Variants in PDS5B observed in about 807,000 individuals in gnomAD.
The protein encoded by PDS5B is PDS5 cohesin associated factor B.
A neutral mutation model predicts 184.1 loss-of-function variants in PDS5B; 51 were observed. The ratio of observed to expected loss-of-function variants is 0.28; its 90% CI spans 0.22 to 0.35. The LOEUF is 0.35. PDS5B is among the 10% of genes least tolerant of loss of function. The pLI is 1.00. For synonymous variants in PDS5B, 566 were observed against 569.2 expected (o/e 0.99, Z 0.08); for missense variants, 1,180 against 1,723.3 (o/e 0.68, Z 5.58).
At position 32,776,806 on chromosome 13, in the gene PDS5B, T is replaced by G. The variant is rs574277606; in HGVS notation, c.*1754T>G. 6.6e-6 allele frequency: 1 copy of G among 152,592 alleles called. No individual in the cohort carries two copies. The highest frequency in any genetic ancestry group is 6.6e-5 in the Admixed American group (1 of 15,264). 9.5% of individuals were successfully genotyped at this position (152,592 alleles called of 1,614,324 possible). A position where few individuals can be genotyped will look rare whatever the true frequency, so the allele number is the denominator to read the frequency against. On this transcript the variant is annotated 3_prime_UTR_variant, in exon 35 of 35. Transcript: ENST00000315596. ...ATGTGATTATTTTTCTTTTAAAGAT[T>G]TGTTTGTGTTTATGAAACAGCCATT...
chr13:32,666,530 A>G (rs904461549), intron 6 of PDS5B, among the ~76,000 whole-genome samples: 2 of 152,176 alleles, frequency 1.3e-5, no homozygotes, highest in African/African-American at 4.8e-5. Flanking sequence ...TGATTCGACT[A>G]TCATTCAGTG....
chr13:32,722,151 T>C (rs899985955), intron 19 of PDS5B, among the ~76,000 whole-genome samples: 4 of 152,174 alleles, frequency 2.6e-5, no homozygotes, highest in African/African-American at 4.8e-5. Flanking sequence ...GGTCAGGAGC[T>C]GGAGACCAGC....
At chr13:32,722,228 C>T (rs374811846) in intron 19 of PDS5B, among the ~76,000 whole-genome samples, 3 of 152,228 alleles carry the variant, frequency 2.0e-5, no homozygotes, top group Non-Finnish European at 4.4e-5. Flanking sequence ...TGGCGGCGCA[C>T]GCCTGCAATC....
At chr13:32,738,546 A>G (rs915997678) in intron 21 of PDS5B, among the ~76,000 whole-genome samples, 1 of 152,188 alleles carries the variant, frequency 6.6e-6, no homozygotes, top group Non-Finnish European at 1.5e-5. Context: ...CCCATAGGCA[A>G]TCTGTACCTA....
chr13:32,696,744 G>A (rs1951718078), intron 14 of PDS5B, 110 bp from the exon 15 acceptor site: 1 of 726,594 alleles, frequency 1.4e-6, no homozygotes, highest in South Asian at 1.5e-5. Context: ...AGTGGTAAGA[G>A]CATGGGTCTG....
chr13:32,761,314 G>GT (rs1342129194), intron 30 of PDS5B, among the ~76,000 whole-genome samples: 2 of 151,776 alleles, frequency 1.3e-5, no homozygotes, highest in African/African-American at 2.4e-5. Flanking sequence ...TATAAACTTC[G>GT]TTTTTTTAAA....
intron 21 of PDS5B, 68 bp downstream of exon 21, chr13:32,735,398 A>G: frequency 1.8e-6 from 2 of 1,110,104 alleles, no homozygotes; most frequent in Non-Finnish European, 2.6e-6. Context: ...CAACAAGGAA[A>G]GAAGTGAAAT....
chr13:32,680,071 G>A (rs1434766353), intron 10 of PDS5B, among the ~76,000 whole-genome samples: 1 of 152,016 alleles, frequency 6.6e-6, no homozygotes, highest in African/African-American at 2.4e-5. Flanking sequence ...CAAAATGTCT[G>A]TATCTGCTAT....
At chr13:32,587,371 T>C (rs559147541) in intron 1 of PDS5B, among the ~76,000 whole-genome samples, 1 of 152,182 alleles carries the variant, frequency 6.6e-6, no homozygotes, top group South Asian at 2.1e-4. Flanking sequence ...CACAACTGGG[T>C]TCTAGCTTTC....
chr13:32,703,994 C>T (rs1388470346), intron 17 of PDS5B, among the ~76,000 whole-genome samples: 1 of 151,914 alleles, frequency 6.6e-6, no homozygotes, highest in Non-Finnish European at 1.5e-5. Flanking sequence ...GGCTGTTCAC[C>T]CAGTTGAATC....
rs1950590062 is a variant in PDS5B at position 32,659,410 on chromosome 13, A to G, written c.624+130A>G. ...AGAATCTGTTGGTTTAGTTATATTA[A>G]TACATATTTATTGTGATTAATGTGT... On this transcript the variant is annotated intron_variant, in intron 6 of 34. Coordinates refer to ENST00000315596, the MANE Select transcript of PDS5B (RefSeq NM_015032.4). The G allele has an allele frequency of 1.1e-5, 6 of 541,014 alleles. No homozygotes were observed. The East Asian group carries it at 1.6e-4, about 15-fold the overall frequency. The allele number at this position is 541,014 out of a possible 1,614,324, so 33.5% of individuals were successfully genotyped here.
chr13:32,677,925 G>A (rs1416482723), intron 9 of PDS5B, among the ~76,000 whole-genome samples: 4 of 151,718 alleles, frequency 2.6e-5, no homozygotes, highest in Non-Finnish European at 2.9e-5. Context: ...GTATACAGAC[G>A]GAACATCAGT....
chr13:32,592,893 A>C (rs2057798658), intron 1 of PDS5B, among the ~76,000 whole-genome samples: 1 of 152,220 alleles, frequency 6.6e-6, no homozygotes, highest in South Asian at 2.1e-4. Flanking sequence ...ACCTAATCTT[A>C]CTAAATCTCA....
intron 11 of PDS5B, among the ~76,000 whole-genome samples, chr13:32,684,615 A>G (rs917583678): frequency 6.6e-6 from 1 of 152,200 alleles, no homozygotes; most frequent in African/African-American, 2.4e-5. Context: ...TACTGCATGG[A>G]ATATATTAGG....
chr13:32,750,888 T>TGTG (rs1566408847), intron 24 of PDS5B, among the ~76,000 whole-genome samples: 2 of 149,184 alleles, frequency 1.3e-5, no homozygotes, highest in Non-Finnish European at 3.0e-5. Flanking sequence ...TGTGTGTGTG[T>TGTG]TTTAAACTTT....
At chr13:32,617,732 T>G (rs978937063) in intron 1 of PDS5B, among the ~76,000 whole-genome samples, 1 of 152,232 alleles carries the variant, frequency 6.6e-6, no homozygotes, top group African/African-American at 2.4e-5. Context: ...GTATTCCTCT[T>G]ATTACAAATG....
chr13:32,741,594 G>A (rs1953555766), intron 22 of PDS5B, among the ~76,000 whole-genome samples: 2 of 152,026 alleles, frequency 1.3e-5, no homozygotes, highest in South Asian at 2.1e-4. Flanking sequence ...TCTATGGCCT[G>A]TAGTGTAGAC....
At chr13:32,753,283 A>T (rs1229383285) in intron 24 of PDS5B, 49 bp from the exon 25 acceptor site, 1 of 1,464,998 alleles carries the variant, frequency 6.8e-7, no homozygotes, top group Non-Finnish European at 9.5e-7. Context: ...TGAAGTTGTT[A>T]CTCTTTGCTG....
intron 1 of PDS5B, among the ~76,000 whole-genome samples, chr13:32,623,163 G>T (rs1030671047): frequency 2.0e-5 from 3 of 152,186 alleles, no homozygotes; most frequent in Non-Finnish European, 4.4e-5. Context: ...CACCAGCCCT[G>T]TGTGGCATCA....
Sources: gnomAD v4.1 joint callset for allele counts (sites outside exome capture counted in the v4.1 genomes callset) on GRCh38, gnomAD v4.1.1 for gene constraint, MANE v1.5 for transcripts, NCBI Gene and HGNC (gene_info 2026-07-23, HGNC 2026-07-21) for gene names.